ZC3H11A: variants seen among roughly 807,000 people sequenced by gnomAD.
ZC3H11A encodes zinc finger CCCH domain-containing protein 11A.
In ZC3H11A, 22 loss-of-function variants were observed where a neutral mutation model predicts 90.8. The observed-to-expected ratio is 0.24, with a 90% confidence interval of 0.17 to 0.35. The LOEUF (loss-of-function observed/expected upper bound fraction) is 0.35, where lower values mean the gene tolerates loss of function less well. Ranked by LOEUF, ZC3H11A falls within the 10% of genes least tolerant of loss-of-function variation. ZC3H11A has a pLI of 1.00. For synonymous variants in ZC3H11A, 294 were observed against 339.8 expected (o/e 0.87, Z 1.48); for missense variants, 701 against 964.9 (o/e 0.73, Z 3.62).
At chr1:203,836,212 G>A (rs756520014) in intron 10 of ZC3H11A, among the ~76,000 whole-genome samples, 3 of 152,116 alleles carry the variant, frequency 2.0e-5, no homozygotes, top group Non-Finnish European at 4.4e-5. Context: ...GCAAGACCCT[G>A]TCTCTAAAAA....
Position 203,802,156 on chromosome 1 carries a change from C to G in ZC3H11A, c.-1006C>G, listed in dbSNP as rs982410423. On this transcript the variant is annotated 5_prime_UTR_variant, in exon 2 of 18. Coordinates refer to ENST00000367210, the MANE Select transcript of ZC3H11A (RefSeq NM_001376342.1). Reference sequence around the variant, plus strand: ...CACCACTCTGTAGTTACTCTATTACCATACGTTTCTATCTTTTTTGGTTAA... The same window carrying G: ...CACCACTCTGTAGTTACTCTATTACGATACGTTTCTATCTTTTTTGGTTAA... 1 of 152,560 alleles carries G rather than the reference C, an allele frequency of 6.6e-6. No homozygotes were observed. Among genetic ancestry groups the G allele is most frequent in the African/African-American group, 2.4e-5 (1 of 41,420 alleles). The allele number at this position is 152,560 out of a possible 1,614,324, so 9.5% of individuals were successfully genotyped here.
At position 203,852,695 on chromosome 1, in the gene ZC3H11A, C is replaced by G; in HGVS notation, c.*296C>G. On this transcript the variant is annotated 3_prime_UTR_variant, in exon 18 of 18. Transcript: ENST00000367210. ...GAGAGGGAGATCAAGTGAAAGGGTG[C>G]AAGCGAACTTAGTGACTCCTTGAGG... The G allele has an allele frequency of 2.5e-6, 1 of 407,046 alleles. No individual in the cohort carries two copies. Among genetic ancestry groups the G allele is most frequent in the Admixed American group, 4.2e-5 (1 of 23,812 alleles). 25.2% of individuals were successfully genotyped at this position (407,046 alleles called of 1,614,324 possible).
chr1:203,843,351 G>A (rs182635719), intron 12 of ZC3H11A, among the ~76,000 whole-genome samples: 1 of 152,180 alleles, frequency 6.6e-6, no homozygotes, highest in Admixed American at 6.6e-5. Flanking sequence ...TTTTGAGTAT[G>A]ACTGCCCCAC....
Position 203,850,504 on chromosome 1 carries a change from G to A in ZC3H11A, c.1940-11G>A. The stretch of plus-strand genomic sequence containing the variant: ...TCTCACTGCTTATCAGATATTTTCT[G>A]CCCTTTGTAGCTAAACCCAAAGTGA... On this transcript the variant is annotated splice_polypyrimidine_tract_variant and intron_variant, in intron 15 of 17. Transcript: ENST00000367210. 1 of 1,613,834 alleles carries A rather than the reference G, an allele frequency of 6.2e-7. No individual in the cohort carries two copies. Among genetic ancestry groups the A allele is most frequent in the Non-Finnish European group, 8.5e-7 (1 of 1,179,816 alleles).
chr1:203,798,289 A>G lies in ZC3H11A; in HGVS notation c.-1588+2495A>G, dbSNP rs1244179661. 2.6e-6 allele frequency: 4 copies of G among 1,536,064 alleles called. No homozygotes were observed. The highest frequency in any genetic ancestry group is 2.4e-5 in the South Asian group (2 of 84,072). On this transcript the variant is annotated intron_variant, in intron 1 of 17. Transcript: ENST00000367210. ...CTCATCAAAAGTAACATTGTCAAGC[A>G]TGCTTTAATTCCTGGAACTAGAGCC...
At chr1:203,804,254 C>G (rs1671468121) in intron 2 of ZC3H11A, among the ~76,000 whole-genome samples, 1 of 151,370 alleles carries the variant, frequency 6.6e-6, no homozygotes, top group Non-Finnish European at 1.5e-5. Flanking sequence ...CGGGTTCACG[C>G]CATTCTCCTG....
chr1:203,848,340 A>T lies in ZC3H11A; in HGVS notation c.1556A>T (p.Glu519Val). The T allele has an allele frequency of 6.2e-7, 1 of 1,612,788 alleles. No individual in the cohort carries two copies. Among genetic ancestry groups the T allele is most frequent in the Non-Finnish European group, 8.5e-7 (1 of 1,179,516 alleles). Residue 519 changes from glutamate to valine, a missense_variant, in exon 14 of 18, where the codon GAA becomes GTA. By Grantham distance (121) the Glu-to-Val change is moderately radical. Around this residue, in one of 4 missense-constraint regions of ZC3H11A, gnomAD observed 530 missense variants for 696.2 expected, o/e 0.76. Transcript: ENST00000367210. ...TTTAATGTGAATACAGGGATGAAAGAAGAGAAGAACCTTCAGGAAGGAAAT... is the reference window on the plus strand; with the variant it reads ...TTTAATGTGAATACAGGGATGAAAGTAGAGAAGAACCTTCAGGAAGGAAAT... ...LRITKRTGMK[E>V]EKNLQEGNEV... is the part of the protein sequence containing the mutation.
Position 203,821,663 on chromosome 1 carries a change from A to G in ZC3H11A, c.174+2974A>G, listed in dbSNP as rs1340378629. Among the ~76,000 whole-genome samples, 5 of 152,120 alleles carry G rather than the reference A, an allele frequency of 3.3e-5. No individual in the cohort carries two copies. The East Asian group carries it at 7.7e-4, about 23-fold the overall frequency. ...AGAAGTTAAGATTTGGGCTGCTCCT[A>G]GAGTGTCATCACTTTCAGGTCCTCT... On this transcript the variant is annotated intron_variant, in intron 4 of 17. Transcript: ENST00000367210.
chr1:203,812,340 C>T (rs1674762003), intron 2 of ZC3H11A, among the ~76,000 whole-genome samples: 1 of 152,090 alleles, frequency 6.6e-6, no homozygotes, highest in South Asian at 2.1e-4. Flanking sequence ...GTGTTCTCAG[C>T]ATTTAGCTCC....
chr1:203,827,958 C>A (rs1681101158), intron 4 of ZC3H11A, among the ~76,000 whole-genome samples: 4 of 152,174 alleles, frequency 2.6e-5, no homozygotes, highest in African/African-American at 9.7e-5. Flanking sequence ...GGCCACCTGG[C>A]CAATAAGTAA....
intron 2 of ZC3H11A, among the ~76,000 whole-genome samples, chr1:203,810,149 G>GTTT (rs1315810818): frequency 6.9e-6 from 1 of 144,408 alleles, no homozygotes; most frequent in Non-Finnish European, 1.5e-5. Context: ...TTTGTTTTTT[G>GTTT]TTTTTTTTTT....
chr1:203,840,416 T>C, intron 12 of ZC3H11A, 42 bp downstream of exon 12: 1 of 1,585,870 alleles, frequency 6.3e-7, no homozygotes, highest in Non-Finnish European at 8.6e-7. Context: ...TTTTTTTCTT[T>C]GCTGTAAGAG....
intron 2 of ZC3H11A, among the ~76,000 whole-genome samples, chr1:203,806,882 TTTC>T (rs2102543274): frequency 6.7e-6 from 1 of 150,142 alleles, no homozygotes; most frequent in East Asian, 2.0e-4. Context: ...TTCAAGTACT[TTTC>T]TTCACTTTTT....
At chr1:203,804,527 C>T (rs1232954788) in intron 2 of ZC3H11A, among the ~76,000 whole-genome samples, 2 of 152,016 alleles carry the variant, frequency 1.3e-5, no homozygotes, top group Non-Finnish European at 2.9e-5. Flanking sequence ...CTGCCATCAT[C>T]TGAATGATTA....
In ZC3H11A at chr1:203,819,529, A is replaced by ATTTTT. The variant is rs755259647; in HGVS notation, c.174+858_174+862dup. Among the ~76,000 whole-genome samples the ATTTTT allele has an allele frequency of 2.9e-3, 209 of 72,870 alleles. 3 individuals carry two copies. The Middle Eastern group carries it at 0.04, about 14-fold the overall frequency. The allele number at this position is 72,870 out of a possible 152,430, so 47.8% of individuals were successfully genotyped here. A position where few individuals can be genotyped will look rare whatever the true frequency, so the allele number is the denominator to read the frequency against. On this transcript the variant is annotated intron_variant, in intron 4 of 17. Transcript: ENST00000367210. The stretch of plus-strand genomic sequence containing the variant: ...GAGCCACCGTGCCCAGCTGACTCCA[A>ATTTTT]TTTTTTTTTTTTTTTTTTTTTTGAG...
rs530888220 is a variant in ZC3H11A, at chr1:203,847,474, G to T, written c.1333G>T (p.Val445Phe). 4.0e-5 allele frequency: 65 copies of T among 1,613,914 alleles called. No individual in the cohort carries two copies. The Middle Eastern group carries it at 8.3e-4, about 20-fold the overall frequency. The change falls in exon 13 of 18, where the codon GTT becomes TTT. Residue 445 changes from valine to phenylalanine, a missense_variant. Val to Phe is a conservative substitution (Grantham distance 50, BLOSUM62 -1). Coordinates refer to ENST00000367210, the MANE Select transcript of ZC3H11A (RefSeq NM_001376342.1). ...TGATAGTGAAATTAAAAAAACAGTA[G>T]TTTTGCCACCCATTGTTGCCAGCAG... The part of the protein sequence containing the change: ...KIDSEIKKTV[V>F]LPPIVASRGQ...
intron 8 of ZC3H11A, among the ~76,000 whole-genome samples, chr1:203,830,839 C>G (rs1238264958): frequency 6.8e-6 from 1 of 146,578 alleles, no homozygotes; most frequent in Non-Finnish European, 1.5e-5. Flanking sequence ...ACGTCATTTT[C>G]TAGTAGAAGA....
At chr1:203,799,767 C>T (rs1370496148) in intron 1 of ZC3H11A, 1 of 955,928 alleles carries the variant, frequency 1.0e-6, no homozygotes. Flanking sequence ...ATCTCTGAAA[C>T]TTGAAACAGA....
chr1:203,829,125 A>G (rs1454255917), intron 5 of ZC3H11A: 2 of 303,632 alleles, frequency 6.6e-6, no homozygotes, highest in Middle Eastern at 1.0e-3. Flanking sequence ...CTTAGAAGCT[A>G]CTTCTTTGCT....
Sources: gnomAD v4.1 joint callset for allele counts (sites outside exome capture counted in the v4.1 genomes callset) on GRCh38, gnomAD v4.1.1 for gene constraint, gnomAD v4.1.1 regional missense constraint, MANE v1.5 for transcripts, NCBI Gene and HGNC (gene_info 2026-07-23, HGNC 2026-07-21) for gene names.